The following PRH1 variants were observed in gnomAD, a reference collection of about 807,000 sequenced individuals.
PRH1 encodes salivary acidic proline-rich phosphoprotein 1/2.
Under a neutral mutation model 7.9 loss-of-function variants are expected in PRH1, and 7 were observed. That is an observed-to-expected ratio of 0.89 (90% CI 0.50 to 1.67). PRH1 has a LOEUF of 1.67. Ranked by LOEUF, PRH1 falls within the 40% of genes most tolerant of loss-of-function variation. The pLI, the probability that PRH1 is intolerant of heterozygous loss-of-function variation, is 0.00. For missense variants in PRH1, 109 were observed against 223.6 expected (o/e 0.49, Z 3.27); for synonymous variants, 45 against 80.8 (o/e 0.56, Z 2.38).
At chr12:10,905,604 A>G (rs987443582) in intron 2 of PRH1, among the ~76,000 whole-genome samples, 3 of 152,036 alleles carry the variant, frequency 2.0e-5, no homozygotes, top group Non-Finnish European at 4.4e-5. Flanking sequence ...AGGTGGAGGC[A>G]GCAGTGAGCT....
At chr12:10,930,982 C>T in intron 2 of PRH1, 2 of 1,596,756 alleles carry the variant, frequency 1.3e-6, no homozygotes, top group Non-Finnish European at 1.7e-6. Context: ...TCCTCCCCCA[C>T]CTCCTCCTGG....
chr12:10,994,874 TAGA>T (rs1940140206), intron 1 of PRH1, among the ~76,000 whole-genome samples: 1 of 152,208 alleles, frequency 6.6e-6, no homozygotes, highest in Non-Finnish European at 1.5e-5. Flanking sequence ...TCATTCGCAA[TAGA>T]AAAGATATGT....
downstream of PRH1, among the ~76,000 whole-genome samples, chr12:11,117,437 T>C (rs1028667889): frequency 6.6e-6 from 1 of 152,028 alleles, no homozygotes; most frequent in Non-Finnish European, 1.5e-5. Context: ...AAAGAAAAGA[T>C]AGTCCATGTT....
Position 10,945,154 on chromosome 12 carries a change from G to T in PRH1, c.-59+28501C>A, listed in dbSNP as rs548706584. Among the ~76,000 whole-genome samples, 198 of 152,238 alleles carry T rather than the reference G, an allele frequency of 1.3e-3. 1 individual carries two copies. The highest frequency in any genetic ancestry group is 1.8e-3 in the Admixed American group (28 of 15,294). On this transcript the variant is annotated intron_variant, in intron 2 of 3. Transcript: ENST00000539853. ...GTAACAGCTCTTCTTTGTACACCTG[G>T]TAGAATTTGGCTGTGAATCCAGCAG...
At chr12:11,011,566 T>G (rs1941070159) in intron 1 of PRH1, among the ~76,000 whole-genome samples, 1 of 152,154 alleles carries the variant, frequency 6.6e-6, no homozygotes, top group Admixed American at 6.6e-5. Flanking sequence ...TTCAGCAATG[T>G]CAGTTGTTAT....
At chr12:10,951,213 T>C (rs778594213) in intron 2 of PRH1, among the ~76,000 whole-genome samples, 5 of 152,192 alleles carry the variant, frequency 3.3e-5, no homozygotes, top group African/African-American at 9.6e-5. Context: ...AGCATGCAAA[T>C]GAAGACATAT....
intron 1 of PRH1, among the ~76,000 whole-genome samples, chr12:11,044,983 G>A (rs1027172404): frequency 4.6e-5 from 7 of 152,090 alleles, no homozygotes; most frequent in African/African-American, 1.2e-4. Context: ...GGAAATAAGT[G>A]TATCAAACAG....
chr12:11,145,554 C>A (rs888188289), intron 1 of PRH1, among the ~76,000 whole-genome samples: 5 of 152,108 alleles, frequency 3.3e-5, no homozygotes, highest in Non-Finnish European at 1.5e-5. Flanking sequence ...ATTAGAATTT[C>A]TCAAATTAAA....
intron 1 of PRH1, among the ~76,000 whole-genome samples, chr12:11,168,400 GAAA>G (rs1947700458): frequency 6.3e-5 from 3 of 47,948 alleles, no homozygotes; most frequent in East Asian, 5.7e-4. Context: ...AAGAAAGAAA[GAAA>G]GAAAGAAAGA....
At chr12:10,987,464 T>C (rs1398478850) in intron 1 of PRH1, among the ~76,000 whole-genome samples, 4 of 152,008 alleles carry the variant, frequency 2.6e-5, no homozygotes, top group Admixed American at 2.6e-4. Flanking sequence ...CAAAACACCT[T>C]AAAATCTGGT....
At chr12:11,116,202 G>T (rs530202250), downstream of PRH1, among the ~76,000 whole-genome samples, 9 of 152,032 alleles carry the variant, frequency 5.9e-5, no homozygotes, top group South Asian at 1.9e-3. Context: ...TGAAAGCAGA[G>T]ATATTACAAC....
intron 2 of PRH1, among the ~76,000 whole-genome samples, chr12:10,893,432 C>T (rs1315371283): frequency 2.0e-5 from 3 of 152,086 alleles, no homozygotes; most frequent in East Asian, 3.8e-4. Flanking sequence ...TTTAACTAGG[C>T]CTCCTATATT....
chr12:10,993,830 A>G, intron 1 of PRH1, among the ~76,000 whole-genome samples: 1 of 152,204 alleles, frequency 6.6e-6, no homozygotes, highest in South Asian at 2.1e-4. Flanking sequence ...ATGCATGCAT[A>G]GTGGGCATTA....
intron 2 of PRH1, among the ~76,000 whole-genome samples, chr12:10,927,004 TC>T (rs1171697746): frequency 1.3e-5 from 2 of 152,128 alleles, no homozygotes; most frequent in Admixed American, 1.3e-4. Context: ...CCAGACAGTG[TC>T]CCTTTCAGCT....
intron 1 of PRH1, among the ~76,000 whole-genome samples, chr12:11,142,426 C>T (rs1029134074): frequency 1.3e-5 from 2 of 152,154 alleles, no homozygotes; most frequent in African/African-American, 2.4e-5. Context: ...GAGGATTATA[C>T]TTTCTGATTT....
At chr12:10,930,558 C>G in intron 2 of PRH1, 3 of 1,550,286 alleles carry the variant, frequency 1.9e-6, no homozygotes, top group South Asian at 1.3e-5. Flanking sequence ...AGTTGAGAGG[C>G]AGGTCAGGGA....
At chr12:10,918,353 C>A (rs1417823164) in intron 2 of PRH1, among the ~76,000 whole-genome samples, 1 of 151,954 alleles carries the variant, frequency 6.6e-6, no homozygotes, top group Non-Finnish European at 1.5e-5. Context: ...GCATATCCTG[C>A]ACATGTACCC....
rs556338405 is a variant in PRH1, at chr12:10,990,117, A to C, written c.-125-16396T>G. On this transcript the variant is annotated intron_variant, in intron 1 of 3. Coordinates refer to the PRH1 transcript ENST00000539853. ...ACCAAAACAGCATGGTACTGGCATAAAAACAGACACATAGAGCAGCGAAAT... is the reference window on the plus strand; with the variant it reads ...ACCAAAACAGCATGGTACTGGCATACAAACAGACACATAGAGCAGCGAAAT... Among the ~76,000 whole-genome samples, 3 of 152,342 alleles carry C rather than the reference A, an allele frequency of 2.0e-5. No individual in the cohort carries two copies. The South Asian group carries it at 6.2e-4, about 32-fold the overall frequency.
intron 1 of PRH1, among the ~76,000 whole-genome samples, chr12:11,123,671 A>G (rs1271740101): frequency 6.6e-6 from 1 of 151,806 alleles, no homozygotes; most frequent in African/African-American, 2.4e-5. Context: ...AGTATGTTAC[A>G]TATTCCAACT....
Sources: allele counts gnomAD v4.1 joint callset (sites outside exome capture counted in the v4.1 genomes callset), GRCh38; gene constraint gnomAD v4.1.1; transcripts MANE v1.5; gene names NCBI Gene and HGNC (gene_info 2026-07-23, HGNC 2026-07-21).